NXPH1: variants seen among roughly 807,000 people sequenced by gnomAD.
NXPH1 encodes the protein neurexophilin 1, also known as neurexophilin-1.
In NXPH1, 5 loss-of-function variants were observed where a neutral mutation model predicts 23.7. That is an observed-to-expected ratio of 0.21 (90% CI 0.11 to 0.44). The LOEUF (loss-of-function observed/expected upper bound fraction) is 0.44. Among genes scored for constraint, NXPH1 ranks in the 20% least tolerant of loss-of-function variants. The pLI is 0.99. For missense variants in NXPH1, 324 were observed against 321.6 expected, an observed-to-expected ratio of 1.01 and a Z score of -0.06; for synonymous variants, 144 against 122.2, an observed-to-expected ratio of 1.18 and a Z score of -1.18.
At chr7:8,490,931 A>C (rs1817238803) in intron 2 of NXPH1, among the ~76,000 whole-genome samples, 1 of 152,090 alleles carries the variant, frequency 6.6e-6, no homozygotes, top group South Asian at 2.1e-4. Context: ...CAAAATGCAT[A>C]AGAACATTTC....
chr7:8,448,259 A>G (rs985694263), intron 2 of NXPH1, among the ~76,000 whole-genome samples: 3 of 152,250 alleles, frequency 2.0e-5, no homozygotes, highest in Non-Finnish European at 4.4e-5. Flanking sequence ...AAGAGCTTAG[A>G]AAGGTGACTG....
intron 2 of NXPH1, among the ~76,000 whole-genome samples, chr7:8,541,280 G>A (rs973576699): frequency 6.6e-6 from 1 of 151,626 alleles, no homozygotes; most frequent in African/African-American, 2.4e-5. Flanking sequence ...TAACAATAGA[G>A]ATTATCCAAA....
intron 2 of NXPH1, among the ~76,000 whole-genome samples, chr7:8,625,149 TG>T (rs1455159631): frequency 2.0e-5 from 3 of 152,304 alleles, no homozygotes; most frequent in Admixed American, 2.0e-4. Context: ...ATTCTTTTTT[TG>T]GCAACCTCAC....
At chr7:8,505,035 G>T (rs1023491121) in intron 2 of NXPH1, among the ~76,000 whole-genome samples, 2 of 151,930 alleles carry the variant, frequency 1.3e-5, no homozygotes, top group Non-Finnish European at 2.9e-5. Flanking sequence ...CAAGAGTAAG[G>T]GACATTCACT....
At chr7:8,613,452 T>C (rs1819662536) in intron 2 of NXPH1, among the ~76,000 whole-genome samples, 1 of 151,998 alleles carries the variant, frequency 6.6e-6, no homozygotes. Context: ...CTAACTTAAT[T>C]TCTTTCTTTG....
intron 2 of NXPH1, among the ~76,000 whole-genome samples, chr7:8,470,627 G>C (rs533775800): frequency 6.6e-6 from 1 of 152,296 alleles, no homozygotes; most frequent in South Asian, 2.1e-4. Flanking sequence ...TTTACTGGAA[G>C]TTCATGAGAG....
intron 2 of NXPH1, among the ~76,000 whole-genome samples, chr7:8,517,778 G>C (rs1027028613): frequency 4.6e-5 from 7 of 152,096 alleles, no homozygotes; most frequent in Admixed American, 4.6e-4. Context: ...ATTTACAGAG[G>C]CAGTTCCTGG....
chr7:8,713,423 ATC>A (rs1392353157), intron 2 of NXPH1, among the ~76,000 whole-genome samples: 1 of 151,856 alleles, frequency 6.6e-6, no homozygotes, highest in Non-Finnish European at 1.5e-5. Flanking sequence ...AAGGTCACAT[ATC>A]TCTGTCTTTC....
In NXPH1 at chr7:8,435,265, ACC is replaced by A. The variant is rs538896790; in HGVS notation, c.-110-337_-110-336del. 202 of 233,812 alleles carry A rather than the reference ACC, an allele frequency of 8.6e-4. 1 individual carries two copies. The highest frequency in any genetic ancestry group is 4.4e-3 in the African/African-American group (191 of 42,976). 14.5% of individuals were successfully genotyped at this position (233,812 alleles called of 1,614,324 possible). A position where few individuals can be genotyped will look rare whatever the true frequency, so the allele number is the denominator to read the frequency against. On this transcript the variant is annotated intron_variant, in intron 1 of 2. Transcript: ENST00000405863. The surrounding 1 kb of genome is among the most constrained non-coding windows in gnomAD (Gnocchi z 5.9). ...CGCCTTTAGTCCGAGCCGCCGGGCC[ACC>A]CAACACAAGGGCAGGTCTCGCTGCC...
intron 2 of NXPH1, among the ~76,000 whole-genome samples, chr7:8,634,578 A>G (rs539647311): frequency 5.3e-5 from 8 of 151,116 alleles, no homozygotes; most frequent in South Asian, 2.1e-4. Context: ...CCAGATTTGC[A>G]TTAACTTACA....
At chr7:8,476,396 A>C (rs1393096332) in intron 2 of NXPH1, among the ~76,000 whole-genome samples, 2 of 151,918 alleles carry the variant, frequency 1.3e-5, no homozygotes, top group Non-Finnish European at 2.9e-5. Flanking sequence ...TCCCCAGCAC[A>C]CACATGCCTT....
chr7:8,619,786 A>G (rs1005726705), intron 2 of NXPH1, among the ~76,000 whole-genome samples: 4 of 152,152 alleles, frequency 2.6e-5, no homozygotes, highest in Non-Finnish European at 2.9e-5. Flanking sequence ...TACTAATACC[A>G]TTATTTCATA....
intron 2 of NXPH1, among the ~76,000 whole-genome samples, chr7:8,709,212 G>A (rs1583240227): frequency 6.6e-6 from 1 of 152,182 alleles, no homozygotes. Flanking sequence ...TTGGCAGTGT[G>A]TGCTACCACT....
At chr7:8,575,180 C>G (rs905573193) in intron 2 of NXPH1, among the ~76,000 whole-genome samples, 1 of 152,156 alleles carries the variant, frequency 6.6e-6, no homozygotes, top group Non-Finnish European at 1.5e-5. Context: ...AAGGCCAACT[C>G]TAATCCATTT....
intron 2 of NXPH1, among the ~76,000 whole-genome samples, chr7:8,750,690 A>T (rs1273062862): frequency 6.6e-6 from 1 of 151,962 alleles, no homozygotes; most frequent in Non-Finnish European, 1.5e-5. Flanking sequence ...GTTTTATATA[A>T]TTTTCAGGTC....
At chr7:8,736,703 T>C (rs1218082307) in intron 2 of NXPH1, among the ~76,000 whole-genome samples, 2 of 152,208 alleles carry the variant, frequency 1.3e-5, no homozygotes, top group African/African-American at 4.8e-5. Context: ...TCTGTCTCAT[T>C]GATCTGTCTA....
chr7:8,465,594 A>C (rs1202945479), intron 2 of NXPH1, among the ~76,000 whole-genome samples: 1 of 152,204 alleles, frequency 6.6e-6, no homozygotes, highest in Non-Finnish European at 1.5e-5. Flanking sequence ...ATTGCAAAGC[A>C]GGGGGCATTT....
intron 2 of NXPH1, among the ~76,000 whole-genome samples, chr7:8,626,284 C>A (rs751056422): frequency 1.1e-4 from 17 of 152,022 alleles, no homozygotes; most frequent in Non-Finnish European, 1.9e-4. Flanking sequence ...ATAAATTATG[C>A]ATCTTTGGGC....
rs146479415 is a variant in NXPH1 at position 8,697,777 on chromosome 7, A to G, written c.55-53231A>G. On this transcript the variant is annotated intron_variant, in intron 2 of 2. Transcript: ENST00000405863. ...AGAAAGTCTCAGGCAAACATGTTCC[A>G]GAGAGCGAGAAAACTGTAAGTACAG... Among the ~76,000 whole-genome samples the G allele has an allele frequency of 1.3e-3, 202 of 152,316 alleles. 4 individuals are homozygous for G. The East Asian group carries it at 0.035, about 26-fold the overall frequency.
Sources: allele counts gnomAD v4.1 joint callset (sites outside exome capture counted in the v4.1 genomes callset), GRCh38; gene constraint gnomAD v4.1.1; non-coding constraint Gnocchi (gnomAD v3.1); transcripts MANE v1.5; gene names NCBI Gene and HGNC (gene_info 2026-07-23, HGNC 2026-07-21).